ZNF75D: variants seen among roughly 807,000 people sequenced by gnomAD.
The protein encoded by ZNF75D is zinc finger protein 75D, also known as zinc finger protein 75.
Under a neutral mutation model 33.3 loss-of-function variants are expected in ZNF75D, and 33 were observed. The ratio of observed to expected loss-of-function variants is 0.99; its 90% CI spans 0.75 to 1.32. The LOEUF (loss-of-function observed/expected upper bound fraction) is 1.32, where lower values mean the gene tolerates loss of function less well. Ranked by LOEUF, ZNF75D falls within the 40% of genes most tolerant of loss-of-function variation. ZNF75D has a pLI of 0.00. For synonymous variants in ZNF75D, 113 were observed against 130.6 expected (o/e 0.87, Z 0.92); for missense variants, 338 against 367.5 (o/e 0.92, Z 0.66).
At chrX:135,312,791 T>A (rs1276643717) in intron 1 of ZNF75D, among the ~76,000 whole-genome samples, 1 of 111,211 alleles carries the variant, frequency 9.0e-6, no homozygotes, top group African/African-American at 3.3e-5. Context: ...TGTTGGCCAT[T>A]TGTATGTCTT....
chrX:135,266,150 T>G (rs1394606730), intron 1 of ZNF75D, among the ~76,000 whole-genome samples: 1 of 109,771 alleles, frequency 9.1e-6, no homozygotes, highest in African/African-American at 3.3e-5. Flanking sequence ...ATGCAAGAAA[T>G]TAAAACATAC....
Position 135,343,895 on chromosome X carries a change from C to T in ZNF75D, c.-2518G>A, listed in dbSNP as rs1205966161. ...CTTGGGACGCTGCAGCTCCTGTCCC[C>T]GTTTCGCTTCTACCAGGACCTCCGG... On this transcript the variant is annotated 5_prime_UTR_variant, in exon 1 of 7. Transcript: ENST00000370766. The T allele has an allele frequency of 2.7e-5, 3 of 111,944 alleles. No homozygotes were observed. The highest frequency in any genetic ancestry group is 3.8e-5 in the Non-Finnish European group (2 of 53,195). The allele number at this position is 111,944 out of a possible 1,213,427, so 9.2% of individuals were successfully genotyped here.
chrX:135,281,890 T>A (rs782159551), downstream of ZNF75D, among the ~76,000 whole-genome samples: 165 of 112,323 alleles, frequency 1.5e-3, 1 homozygote, highest in African/African-American at 4.9e-3. Flanking sequence ...ACCTGCCAGA[T>A]GCCAGCTGGA....
intron 1 of ZNF75D, among the ~76,000 whole-genome samples, chrX:135,300,370 C>G (rs2084198617): frequency 1.8e-5 from 2 of 108,915 alleles, no homozygotes; most frequent in South Asian, 3.9e-4. Flanking sequence ...AGCATTCACA[C>G]TTGGAAATTG....
At chrX:135,269,067 C>T (rs1463512074) in intron 1 of ZNF75D, among the ~76,000 whole-genome samples, 1 of 111,719 alleles carries the variant, frequency 9.0e-6, no homozygotes, top group African/African-American at 3.2e-5. Flanking sequence ...TGAAACTAGA[C>T]CCCCTATCTC....
downstream of ZNF75D, among the ~76,000 whole-genome samples, chrX:135,284,377 T>C (rs1264548300): frequency 8.9e-6 from 1 of 111,764 alleles, no homozygotes; most frequent in Non-Finnish European, 1.9e-5. Flanking sequence ...TCTCCTCTTT[T>C]TCTGAGTTGG....
Position 135,292,529 on chromosome X carries a change from T to A in ZNF75D, c.412-56A>T, listed in dbSNP as rs1205988681. On this transcript the variant is annotated intron_variant, in intron 3 of 6. Transcript: ENST00000370766. ...GAACTTACTTTTGGTTTTGGGGTGG[T>A]AGTGGAGGGAGGAACAAGAGCAGAG... The A allele has an allele frequency of 2.1e-5, 23 of 1,086,657 alleles. No individual in the cohort carries two copies. The Admixed American group carries it at 5.7e-4, about 27-fold the overall frequency. The allele number at this position is 1,086,657 out of a possible 1,213,427, so 89.6% of individuals were successfully genotyped here.
rs149747796 is a variant in ZNF75D at position 135,327,165 on chromosome X, T to C, written c.-391+14603A>G. ...TCTCAGCCATGTCTGTATGTAATGATGTTTTACTAATTTGGACAAATGACA... is the reference window on the plus strand; with the variant it reads ...TCTCAGCCATGTCTGTATGTAATGACGTTTTACTAATTTGGACAAATGACA... On this transcript the variant is annotated intron_variant, in intron 1 of 6. Transcript: ENST00000370766. 2.4e-3 allele frequency among the ~76,000 whole-genome samples: 272 copies of C among 112,530 alleles called. 1 individual carries two copies. Among genetic ancestry groups the C allele is most frequent in the African/African-American group, 7.8e-3 (243 of 30,968 alleles).
chrX:135,343,045 A>T lies in ZNF75D; in HGVS notation c.-1668T>A, dbSNP rs1376350882. On this transcript the variant is annotated 5_prime_UTR_variant, in exon 1 of 7. Transcript: ENST00000370766. ...TTCACTGCACTGGGGGGAAATCTGG[A>T]GGATGAAGGTTCCAGAGAAGACAAC... is the stretch of plus-strand genomic sequence containing the variant. The T allele has an allele frequency of 9.0e-6, 1 of 111,722 alleles. No individual in the cohort carries two copies. The highest frequency in any genetic ancestry group is 1.9e-5 in the Non-Finnish European group (1 of 53,218). 9.2% of individuals were successfully genotyped at this position (111,722 alleles called of 1,213,427 possible). A position where few individuals can be genotyped will look rare whatever the true frequency, so the allele number is the denominator to read the frequency against.
intron 1 of ZNF75D, among the ~76,000 whole-genome samples, chrX:135,337,543 A>G (rs2084728660): frequency 9.0e-6 from 1 of 111,357 alleles, no homozygotes; most frequent in Non-Finnish European, 1.9e-5. Context: ...ATACCTACCC[A>G]TTTTTCCTGT....
chrX:135,308,646 T>A (rs1479680931), intron 1 of ZNF75D, among the ~76,000 whole-genome samples: 1 of 112,260 alleles, frequency 8.9e-6, no homozygotes, highest in Non-Finnish European at 1.9e-5. Flanking sequence ...CCCCTAGCCT[T>A]GGCATTATGC....
intron 1 of ZNF75D, among the ~76,000 whole-genome samples, chrX:135,311,247 C>T (rs1397935933): frequency 1.8e-5 from 2 of 111,679 alleles, no homozygotes; most frequent in Non-Finnish European, 3.8e-5. Context: ...TAGACAAAAT[C>T]GCTGAGAAGA....
At chrX:135,339,517 G>A (rs1295293686) in intron 1 of ZNF75D, among the ~76,000 whole-genome samples, 1 of 112,255 alleles carries the variant, frequency 8.9e-6, no homozygotes, top group Non-Finnish European at 1.9e-5. Flanking sequence ...CACTCCCAGA[G>A]CTACCAGTAG....
intron 1 of ZNF75D, among the ~76,000 whole-genome samples, chrX:135,331,367 A>C (rs782074447): frequency 7.2e-4 from 79 of 110,478 alleles, no homozygotes; most frequent in African/African-American, 2.6e-3. Flanking sequence ...ACTAAACCAG[A>C]GGATAACAAG....
intron 1 of ZNF75D, among the ~76,000 whole-genome samples, chrX:135,262,420 T>C (rs782377205): frequency 1.8e-5 from 2 of 112,584 alleles, no homozygotes; most frequent in South Asian, 7.4e-4. Flanking sequence ...CCCATCACTT[T>C]CAGGTACACC....
In ZNF75D at chrX:135,335,651, A is replaced by G. The variant is rs182167287; in HGVS notation, c.-391+6117T>C. 1.6e-3 allele frequency among the ~76,000 whole-genome samples: 183 copies of G among 112,451 alleles called. 3 individuals are homozygous for G. Among genetic ancestry groups the G allele is most frequent in the African/African-American group, 5.7e-3 (177 of 30,924 alleles). ...TGCTTTACCTGCCCTGGCATGGTAT[A>G]TAAAGACTTCACCTCCAAGTCCTGA... On this transcript the variant is annotated intron_variant, in intron 1 of 6. Coordinates refer to ENST00000370766, the MANE Select transcript of ZNF75D (RefSeq NM_007131.5).
At chrX:135,297,892 TG>T (rs2084157337) in intron 1 of ZNF75D, 1 of 112,055 alleles carries the variant, frequency 8.9e-6, no homozygotes, top group Non-Finnish European at 1.9e-5. Flanking sequence ...CCAGCATTGT[TG>T]TTGGGTTTAT....
chrX:135,329,280 A>ATTATTTAT (rs377130466), intron 1 of ZNF75D, among the ~76,000 whole-genome samples: 1 of 111,667 alleles, frequency 9.0e-6, no homozygotes, highest in Non-Finnish European at 1.9e-5. Flanking sequence ...CTTTTTAAAA[A>ATTATTTAT]TTATTTATTT....
intron 1 of ZNF75D, among the ~76,000 whole-genome samples, chrX:135,256,510 A>T (rs2083800974): frequency 8.9e-6 from 1 of 111,913 alleles, no homozygotes; most frequent in African/African-American, 3.3e-5. Context: ...AAGCCTCGCC[A>T]CTGTGGGCAA....
Sources: gnomAD v4.1 joint callset for allele counts (sites outside exome capture counted in the v4.1 genomes callset) on GRCh38, gnomAD v4.1.1 for gene constraint, MANE v1.5 for transcripts, NCBI Gene and HGNC (gene_info 2026-07-23, HGNC 2026-07-21) for gene names.